Variants in FOXN1 observed in about 807,000 individuals in gnomAD.
FOXN1 encodes forkhead box protein N1.
Under a neutral mutation model 49.0 loss-of-function variants are expected in FOXN1, and 15 were observed. The observed-to-expected ratio is 0.31, with a 90% CI of 0.20 to 0.47. The LOEUF is 0.47. Among genes scored for constraint, FOXN1 ranks in the 20% least tolerant of loss-of-function variants. The pLI is 1.00. For synonymous variants in FOXN1, 356 were observed against 369.0 expected, an observed-to-expected ratio of 0.96 and a Z score of 0.40; for missense variants, 800 against 842.8, an observed-to-expected ratio of 0.95 and a Z score of 0.63.
intron 6 of FOXN1, among the ~76,000 whole-genome samples, chr17:28,533,931 C>G (rs946508507): frequency 6.6e-6 from 1 of 152,106 alleles, no homozygotes; most frequent in Admixed American, 6.5e-5. Context: ...AGTAATGAGT[C>G]CCCCTTCCAC....
At chr17:28,511,971 C>A (rs1597530426) in intron 1 of FOXN1, among the ~76,000 whole-genome samples, 1 of 152,192 alleles carries the variant, frequency 6.6e-6, no homozygotes, top group African/African-American at 2.4e-5. Flanking sequence ...CAATTACCTA[C>A]ACAGCCCACA....
rs544713031 is a variant in FOXN1 at position 28,529,852 on chromosome 17, A to G, written c.830+628A>G. ...GAGAGGAACTTAAGCATCAGCCAGG[A>G]GTGCAGAGAAGGGCTTTGTGAAAGG... is the stretch of plus-strand genomic sequence containing the variant. On this transcript the variant is annotated intron_variant, in intron 5 of 8. Transcript: ENST00000579795. Among the ~76,000 whole-genome samples the G allele has an allele frequency of 3.0e-4, 45 of 152,310 alleles. 1 individual carries two copies. Among genetic ancestry groups the G allele is most frequent in the African/African-American group, 9.9e-4 (41 of 41,554 alleles).
intron 1 of FOXN1, among the ~76,000 whole-genome samples, chr17:28,515,215 A>G (rs572841776): frequency 3.3e-5 from 5 of 151,986 alleles, no homozygotes; most frequent in Non-Finnish European, 5.9e-5. Context: ...TGGGCCAGAT[A>G]CACCTTTACA....
rs897539533 is a variant in FOXN1 at position 28,534,056 on chromosome 17, C to T, written c.928-275C>T. Among the ~76,000 whole-genome samples the T allele has an allele frequency of 6.6e-6, 1 of 152,168 alleles. No homozygotes were observed. Among genetic ancestry groups the T allele is most frequent in the African/African-American group, 2.4e-5 (1 of 41,422 alleles). On this transcript the variant is annotated intron_variant, in intron 6 of 8. Coordinates refer to ENST00000579795, the MANE Select transcript of FOXN1 (RefSeq NM_001369369.1). The surrounding 1 kb of genome is among the most constrained non-coding windows in gnomAD (Gnocchi z 4.1). ...GCCCACCAGCCCTGGCTTTCCGAATCACCTCGGCAGTCCTCTGAGGGGTCA... is the reference window on the plus strand; with the variant it reads ...GCCCACCAGCCCTGGCTTTCCGAATTACCTCGGCAGTCCTCTGAGGGGTCA...
intron 3 of FOXN1, among the ~76,000 whole-genome samples, chr17:28,525,831 C>T (rs2069754822): frequency 6.6e-6 from 1 of 152,084 alleles, no homozygotes; most frequent in African/African-American, 2.4e-5. Context: ...GTGGCCAAAA[C>T]AGGACTTTAT....
intron 1 of FOXN1, among the ~76,000 whole-genome samples, chr17:28,517,115 T>C (rs1176535305): frequency 4.3e-5 from 3 of 69,124 alleles, no homozygotes; most frequent in Non-Finnish European, 6.1e-5. Context: ...ACAGGATCCA[T>C]ACCTCAAAAG....
At chr17:28,532,070 C>G (rs1168616807) in intron 6 of FOXN1, among the ~76,000 whole-genome samples, 1 of 152,092 alleles carries the variant, frequency 6.6e-6, no homozygotes, top group African/African-American at 2.4e-5. Flanking sequence ...ACCCCTAAAG[C>G]TTTTGGAGGG....
chr17:28,524,257 C>T (rs1351260845), intron 2 of FOXN1, among the ~76,000 whole-genome samples, 165 bp downstream of exon 2: 4 of 152,306 alleles, frequency 2.6e-5, no homozygotes, highest in African/African-American at 7.2e-5. Context: ...GGGGTCACTC[C>T]TCATCCCTTC....
intron 1 of FOXN1, among the ~76,000 whole-genome samples, chr17:28,508,736 A>G (rs554039067): frequency 1.3e-5 from 2 of 152,166 alleles, no homozygotes; most frequent in South Asian, 2.1e-4. Context: ...CTGACTCCAC[A>G]TTCTGACGAA....
At chr17:28,510,736 A>G (rs974902401) in intron 1 of FOXN1, among the ~76,000 whole-genome samples, 1 of 152,134 alleles carries the variant, frequency 6.6e-6, no homozygotes, top group South Asian at 2.1e-4. Flanking sequence ...CTTCCTCTGG[A>G]GAGGGTTCCT....
intron 4 of FOXN1, 141 bp downstream of exon 4, chr17:28,527,502 G>A (rs1432960755): frequency 1.0e-5 from 7 of 682,538 alleles, no homozygotes; most frequent in Non-Finnish European, 1.9e-5. Context: ...CCTTAGGCTT[G>A]GCCACAGCAG....
At chr17:28,506,814 AG>A (rs2069271171) in intron 1 of FOXN1, among the ~76,000 whole-genome samples, 1 of 152,214 alleles carries the variant, frequency 6.6e-6, no homozygotes, top group Non-Finnish European at 1.5e-5. Context: ...GCTGAAAGGC[AG>A]GGGGCCAAGT....
chr17:28,531,606 G>A (rs918927626), intron 6 of FOXN1, among the ~76,000 whole-genome samples: 6 of 152,084 alleles, frequency 3.9e-5, no homozygotes, highest in Non-Finnish European at 7.4e-5. Context: ...CCCTCTCTGC[G>A]TGCCACCTAG....
chr17:28,522,945 G>A (rs551361227), intron 1 of FOXN1, among the ~76,000 whole-genome samples: 9 of 152,304 alleles, frequency 5.9e-5, no homozygotes, highest in Non-Finnish European at 8.8e-5. Flanking sequence ...TGCTTTCTGC[G>A]CATGATTTTG....
chr17:28,527,148 G>C, intron 3 of FOXN1, 103 bp from the exon 4 acceptor site: 2 of 767,142 alleles, frequency 2.6e-6, no homozygotes, highest in South Asian at 1.5e-5. Context: ...ATAAGCTTTG[G>C]GGGAAGCAGA....
At position 28,537,679 on chromosome 17, in the gene FOXN1, T is replaced by C. The variant is rs1357643548; in HGVS notation, c.*243T>C. ...ACCCAGGGCCCCCAAAGAGCAAGCG[T>C]CTGGGCAAGAGGAAAATGCCCTGTC... On this transcript the variant is annotated 3_prime_UTR_variant, in exon 9 of 9. Coordinates refer to ENST00000579795, the MANE Select transcript of FOXN1 (RefSeq NM_001369369.1). 1 of 601,432 alleles carries C rather than the reference T, an allele frequency of 1.7e-6. No homozygotes were observed. Among genetic ancestry groups the C allele is most frequent in the African/African-American group, 1.9e-5 (1 of 54,028 alleles). The allele number at this position is 601,432 out of a possible 1,614,324, so 37.3% of individuals were successfully genotyped here.
intron 1 of FOXN1, among the ~76,000 whole-genome samples, chr17:28,521,581 C>T (rs1174835945): frequency 6.6e-6 from 1 of 152,254 alleles, no homozygotes; most frequent in Non-Finnish European, 1.5e-5. Context: ...TCGGCGCTTC[C>T]CTGGTCACGC....
chr17:28,516,849 C>G, intron 1 of FOXN1, among the ~76,000 whole-genome samples: 1 of 65,614 alleles, frequency 1.5e-5, no homozygotes, highest in Non-Finnish European at 3.8e-5. Context: ...GTACACACCT[C>G]CACAGGGTAC....
chr17:28,524,725 C>T lies in FOXN1; in HGVS notation c.346C>T (p.Leu116Phe). 7 of 1,612,678 alleles carry T rather than the reference C, an allele frequency of 4.3e-6. No homozygotes were observed. The highest frequency in any genetic ancestry group is 5.9e-6 in the Non-Finnish European group (7 of 1,179,546). The change falls in exon 3 of 9, where the codon CTC (leucine) becomes TTC (phenylalanine). Residue 116 changes from leucine to phenylalanine, a missense_variant. Physicochemically the swap from Leu to Phe is conservative, Grantham distance 22 (BLOSUM62 0). Coordinates refer to ENST00000579795, the MANE Select transcript of FOXN1 (RefSeq NM_001369369.1). Reference sequence around the variant, plus strand: ...CGCAGCAAGCAGCCCTGGGCGATTCCTCAAGGGCAGCCACGCGCCCTTCCA... The same window carrying T: ...CGCAGCAAGCAGCCCTGGGCGATTCTTCAAGGGCAGCCACGCGCCCTTCCA... ...EAAASSPGRFLKGSHAPFHPY... is the reference protein window; with the variant it reads ...EAAASSPGRFFKGSHAPFHPY...
Sources: allele counts gnomAD v4.1 joint callset (sites outside exome capture counted in the v4.1 genomes callset), GRCh38; gene constraint gnomAD v4.1.1; non-coding constraint Gnocchi (gnomAD v3.1); transcripts MANE v1.5; gene names NCBI Gene and HGNC (gene_info 2026-07-23, HGNC 2026-07-21).